RANBP3L: variants seen among roughly 807,000 people sequenced by gnomAD.
RANBP3L encodes the protein ran-binding protein 3-like.
A neutral mutation model predicts 67.2 loss-of-function variants in RANBP3L; 56 were observed. The observed-to-expected ratio is 0.83, with a 90% CI of 0.67 to 1.04. The LOEUF is 1.04. Among genes scored for constraint, RANBP3L ranks in the 50% least tolerant of loss-of-function variants. The pLI is 0.00. For missense variants in RANBP3L, 496 were observed against 535.5 expected (o/e 0.93, Z 0.73); for synonymous variants, 164 against 181.4 (o/e 0.90, Z 0.77).
At chr5:36,258,007 A>G (rs1375514572) in intron 8 of RANBP3L, among the ~76,000 whole-genome samples, 1 of 152,202 alleles carries the variant, frequency 6.6e-6, no homozygotes, top group African/African-American at 2.4e-5. Context: ...AGCTCTGTAT[A>G]TAGTAATAGA....
chr5:36,257,999 C>T (rs1749113134), intron 8 of RANBP3L, among the ~76,000 whole-genome samples: 1 of 152,060 alleles, frequency 6.6e-6, no homozygotes, highest in Admixed American at 6.6e-5. Flanking sequence ...AAAGTGACAG[C>T]TCTGTATATA....
chr5:36,277,209 C>T lies in RANBP3L; in HGVS notation c.92-5898G>A, dbSNP rs139016700. Among the ~76,000 whole-genome samples, 1,487 of 152,256 alleles carry T rather than the reference C, an allele frequency of 9.8e-3. 15 individuals carry two copies. Among genetic ancestry groups the T allele is most frequent in the South Asian group, 0.018 (88 of 4,822 alleles). On this transcript the variant is annotated intron_variant, in intron 1 of 13. Coordinates refer to ENST00000296604, the MANE Select transcript of RANBP3L (RefSeq NM_145000.5). ...TTTCCACATGTCTCTTCCACATCCT[C>T]TTCTCTAATTTCTGCTCCTTGTGCA...
At chr5:36,290,798 C>T (rs1192101130) in intron 1 of RANBP3L, among the ~76,000 whole-genome samples, 6 of 133,936 alleles carry the variant, frequency 4.5e-5, no homozygotes, top group African/African-American at 1.7e-4. Flanking sequence ...GTGGCGCGAT[C>T]TCGGCTCACT....
In RANBP3L at chr5:36,251,359, A is replaced by G. The variant is rs776342248; in HGVS notation, c.1308T>C (p.Cys436=). ...ETAQQLNCES[C]DENEDDFIQV... The stretch of plus-strand genomic sequence containing the variant: ...GGATGAAATCATCCTCATTCTCATC[A>G]CAGCTTTCGCAGTTCAATTGTTGGG... Residue 436 remains cysteine, a synonymous_variant, in exon 13 of 14, where the codon TGT becomes TGC. Coordinates refer to ENST00000296604, the MANE Select transcript of RANBP3L (RefSeq NM_145000.5). 31 of 1,613,274 alleles carry G rather than the reference A, an allele frequency of 1.9e-5. No homozygotes were observed. The South Asian group carries it at 3.2e-4, about 17-fold the overall frequency.
At chr5:36,296,899 A>T (rs189781353) in intron 1 of RANBP3L, among the ~76,000 whole-genome samples, 1 of 151,652 alleles carries the variant, frequency 6.6e-6, no homozygotes, top group Non-Finnish European at 1.5e-5. Flanking sequence ...CAACTGCAGA[A>T]TTAGCTCTTC....
chr5:36,299,556 G>A (rs1333182149), intron 1 of RANBP3L, among the ~76,000 whole-genome samples: 1 of 151,866 alleles, frequency 6.6e-6, no homozygotes. Context: ...AGGGTCACTT[G>A]GCCAAAAACA....
At chr5:36,260,899 T>A (rs754154514) in intron 7 of RANBP3L, 35 bp from the exon 8 acceptor site, 2 of 907,550 alleles carry the variant, frequency 2.2e-6, no homozygotes, top group South Asian at 3.1e-5. Flanking sequence ...CTATTTTAAA[T>A]ACATAGATAA....
chr5:36,291,615 G>T (rs565779471), intron 1 of RANBP3L, among the ~76,000 whole-genome samples: 2 of 151,460 alleles, frequency 1.3e-5, no homozygotes, highest in Admixed American at 1.3e-4. Flanking sequence ...TGTTTTCCTT[G>T]TTCAATTCCC....
At position 36,301,750 on chromosome 5, in the gene RANBP3L, CTT is replaced by C. The variant is rs34135601; in HGVS notation, c.-336_-335del. On this transcript the variant is annotated 5_prime_UTR_variant, in exon 1 of 14. It removes the in-frame stop codon of an upstream open reading frame in the 5' UTR. Coordinates refer to ENST00000296604, the MANE Select transcript of RANBP3L (RefSeq NM_145000.5). ...AATTAACTATTTCTAACAGATTACACTTTTGTCATTTTTAAATTCCTTTTGGC... is the reference window on the plus strand; with the variant it reads ...AATTAACTATTTCTAACAGATTACACTTGTCATTTTTAAATTCCTTTTGGC... 5.1e-6 allele frequency: 1 copy of C among 195,814 alleles called. No homozygotes were observed. Among genetic ancestry groups the C allele is most frequent in the African/African-American group, 2.3e-5 (1 of 43,186 alleles). 12.1% of individuals were successfully genotyped at this position (195,814 alleles called of 1,614,324 possible). A position where few individuals can be genotyped will look rare whatever the true frequency, so the allele number is the denominator to read the frequency against.
chr5:36,279,341 C>T lies in RANBP3L; in HGVS notation c.92-8030G>A, dbSNP rs1185611720. 2.0e-5 allele frequency among the ~76,000 whole-genome samples: 3 copies of T among 152,154 alleles called. No homozygotes were observed. The South Asian group carries it at 6.2e-4, about 32-fold the overall frequency. On this transcript the variant is annotated intron_variant, in intron 1 of 13. Transcript: ENST00000296604. ...TTATTTCTAGCCATATGTGGGGGAA[C>T]TCTAAAAAACTTTTTTTAATGAAAT...
At chr5:36,260,968 A>G in intron 7 of RANBP3L, 104 bp from the exon 8 acceptor site, 8 of 611,146 alleles carry the variant, frequency 1.3e-5, no homozygotes, top group Non-Finnish European at 2.3e-5. Flanking sequence ...AATCAAATTT[A>G]CTGCTCACTT....
At chr5:36,288,356 C>T (rs568987440) in intron 1 of RANBP3L, among the ~76,000 whole-genome samples, 215 of 152,042 alleles carry the variant, frequency 1.4e-3, no homozygotes, top group Non-Finnish European at 2.5e-3. Flanking sequence ...GTTAATATAC[C>T]GCAATTTGCT....
At chr5:36,260,379 A>C (rs1749292191) in intron 8 of RANBP3L, among the ~76,000 whole-genome samples, 1 of 150,882 alleles carries the variant, frequency 6.6e-6, no homozygotes, top group African/African-American at 2.4e-5. Flanking sequence ...AAAAAAAAAA[A>C]ACCAAACTGG....
At chr5:36,285,096 TAA>T (rs1055897741) in intron 1 of RANBP3L, among the ~76,000 whole-genome samples, 3 of 152,190 alleles carry the variant, frequency 2.0e-5, no homozygotes, top group Non-Finnish European at 2.9e-5. Flanking sequence ...AGAAATGAGC[TAA>T]TACATCAAAA....
intron 1 of RANBP3L, among the ~76,000 whole-genome samples, chr5:36,283,008 A>C (rs2112026824): frequency 6.6e-6 from 1 of 152,308 alleles, no homozygotes; most frequent in Admixed American, 6.5e-5. Flanking sequence ...CCAAGCTAAT[A>C]AAAATTAGCA....
intron 11 of RANBP3L, among the ~76,000 whole-genome samples, chr5:36,254,885 T>C (rs1748859998): frequency 6.6e-6 from 1 of 152,098 alleles, no homozygotes; most frequent in Non-Finnish European, 1.5e-5. Context: ...TAGGTTTGAC[T>C]GGCTCCAGCT....
rs200661750 is a variant in RANBP3L, at chr5:36,257,457, A to G, written c.769T>C (p.Ser257Pro). The G allele has an allele frequency of 4.4e-5, 66 of 1,488,250 alleles. No individual in the cohort carries two copies. In the East Asian group the frequency reaches 1.5e-3, roughly 34 times the overall value. 92.2% of individuals were successfully genotyped at this position (1,488,250 alleles called of 1,614,324 possible). The part of the protein sequence containing the change: ...IPKFPVNFLS[S>P]RTDSIKNTSL... ...TTACAAATGAAAGAATTCTTACTTG[A>G]ACTTAAAAAGTTGACAGGAAATTTC... Residue 257 changes from serine (S) to proline (P), a missense_variant, in exon 9 of 14, where the codon TCA becomes CCA. By Grantham distance (74) the Ser-to-Pro change is moderately conservative (BLOSUM62 -1). Coordinates refer to ENST00000296604, the MANE Select transcript of RANBP3L (RefSeq NM_145000.5).
intron 1 of RANBP3L, among the ~76,000 whole-genome samples, chr5:36,291,021 G>A (rs1301727555): frequency 6.6e-6 from 1 of 151,568 alleles, no homozygotes; most frequent in Admixed American, 6.6e-5. Flanking sequence ...TGGGATTACA[G>A]GCGTGAGCCA....
chr5:36,256,870 G>T (rs1156308452), intron 10 of RANBP3L, 71 bp downstream of exon 10: 2 of 1,360,206 alleles, frequency 1.5e-6, no homozygotes, highest in Non-Finnish European at 2.0e-6. Flanking sequence ...TTTTAAAGAT[G>T]CCTCTTCTCA....
Sources: allele counts gnomAD v4.1 joint callset (sites outside exome capture counted in the v4.1 genomes callset), GRCh38; gene constraint gnomAD v4.1.1; transcripts MANE v1.5; gene names NCBI Gene and HGNC (gene_info 2026-07-23, HGNC 2026-07-21).